TSPEAR: variants seen among roughly 807,000 people sequenced by gnomAD.
The protein encoded by TSPEAR is thrombospondin type laminin G domain and EAR repeats, also known as thrombospondin-type laminin G domain and EAR repeat-containing protein.
In TSPEAR, 69 loss-of-function variants were observed where a neutral mutation model predicts 71.6. That is an observed-to-expected ratio of 0.96 (90% CI 0.79 to 1.18). TSPEAR has a LOEUF of 1.18. Ranked by LOEUF, TSPEAR falls within the 50% of genes most tolerant of loss-of-function variation. The pLI is 0.00. For synonymous variants in TSPEAR, 402 were observed against 387.2 expected, an observed-to-expected ratio of 1.04 and a Z score of -0.45; for missense variants, 971 against 894.9, an observed-to-expected ratio of 1.09 and a Z score of -1.09.
chr21:44,547,739 G>A (rs1010477043), intron 2 of TSPEAR, among the ~76,000 whole-genome samples: 6 of 152,130 alleles, frequency 3.9e-5, no homozygotes, highest in African/African-American at 1.4e-4. Flanking sequence ...CCCAGCACTC[G>A]GCTGGGGAGT....
At chr21:44,508,404 C>A in intron 10 of TSPEAR, 1 of 927,628 alleles carries the variant, frequency 1.1e-6, no homozygotes, top group Non-Finnish European at 1.3e-6. Context: ...TGCATGAAAC[C>A]CGAGGAAACC....
intron 1 of TSPEAR, among the ~76,000 whole-genome samples, chr21:44,680,950 A>G (rs1340311998): frequency 6.6e-6 from 1 of 152,224 alleles, no homozygotes; most frequent in African/African-American, 2.4e-5. Context: ...TGATAGCAGC[A>G]TAGGGTGACT....
intron 1 of TSPEAR, chr21:44,702,277 G>A (rs113285646): frequency 1.6e-4 from 255 of 1,608,262 alleles, no homozygotes; most frequent in Non-Finnish European, 2.0e-4. Context: ...GAGCTGCTGC[G>A]AGCCCCCCTG....
intron 1 of TSPEAR, among the ~76,000 whole-genome samples, chr21:44,641,396 C>A (rs1984012722): frequency 6.6e-6 from 1 of 152,138 alleles, no homozygotes; most frequent in African/African-American, 2.4e-5. Flanking sequence ...GCATAATAGA[C>A]CCTGAAAGCA....
intron 1 of TSPEAR, among the ~76,000 whole-genome samples, chr21:44,654,850 T>A (rs139229048): frequency 0.25 from 15,944 of 63,538 alleles, 1,133 homozygotes; most frequent in South Asian, 0.42. Context: ...CAGCAGACCG[T>A]GTGTTTCCTG....
At chr21:44,666,716 G>A (rs371542975) in intron 1 of TSPEAR, 53 of 1,613,538 alleles carry the variant, frequency 3.3e-5, no homozygotes, top group African/African-American at 1.2e-4. Flanking sequence ...GGCAGCTCAC[G>A]GGCAGGCACA....
chr21:44,524,962 T>G (rs1207429268), intron 8 of TSPEAR, among the ~76,000 whole-genome samples: 1 of 146,884 alleles, frequency 6.8e-6, no homozygotes, highest in Non-Finnish European at 1.5e-5. Flanking sequence ...CAGTCACTCT[T>G]TGAGGCAGTC....
intron 8 of TSPEAR, among the ~76,000 whole-genome samples, chr21:44,523,312 A>AGTTT (rs1555914537): frequency 2.8e-3 from 396 of 141,114 alleles, no homozygotes; most frequent in African/African-American, 0.012. Context: ...TCAGTTTGTC[A>AGTTT]GTCAGTCAGG....
intron 1 of TSPEAR, among the ~76,000 whole-genome samples, chr21:44,696,463 TAAC>T (rs1336073477): frequency 6.6e-6 from 1 of 152,200 alleles, no homozygotes; most frequent in Non-Finnish European, 1.5e-5. Flanking sequence ...GTGGGGATAA[TAAC>T]AGCCCCTACT....
chr21:44,599,139 T>TCA (rs1980585002), intron 1 of TSPEAR, among the ~76,000 whole-genome samples: 6 of 127,278 alleles, frequency 4.7e-5, no homozygotes, highest in African/African-American at 1.9e-4. Context: ...CCATTTTCTC[T>TCA]CTCTCTCTCT....
At chr21:44,530,209 G>A (rs1267586141) in intron 4 of TSPEAR, among the ~76,000 whole-genome samples, 4 of 146,138 alleles carry the variant, frequency 2.7e-5, no homozygotes, top group African/African-American at 1.1e-4. Flanking sequence ...AGAGTGACTG[G>A]CTACTCTGCT....
In TSPEAR at chr21:44,689,715, ATAT is replaced by A. The variant is rs1304671615; in HGVS notation, c.82+21715_82+21717del. 8.5e-4 allele frequency among the ~76,000 whole-genome samples: 68 copies of A among 79,668 alleles called. 2 individuals are homozygous for A. The highest frequency in any genetic ancestry group is 1.4e-3 in the Non-Finnish European group (57 of 40,608). 52.3% of individuals were successfully genotyped at this position (79,668 alleles called of 152,430 possible). On this transcript the variant is annotated intron_variant, in intron 1 of 11. Coordinates refer to ENST00000323084, the MANE Select transcript of TSPEAR (RefSeq NM_144991.3). ...CTTAGAGGGACAGAATAGAATGAAT[ATAT>A]ATATATATATATATATATATATTTT...
rs576036099 is a variant in TSPEAR, at chr21:44,697,824, G to A, written c.82+13609C>T. On this transcript the variant is annotated intron_variant, in intron 1 of 11. Coordinates refer to ENST00000323084, the MANE Select transcript of TSPEAR (RefSeq NM_144991.3). ...CGCCCTGTGTGCAGACCCGCCCGCC[G>A]CGTGCCCGTCCCCTCCTGCTGTGTC... 2.4e-5 allele frequency: 38 copies of A among 1,613,420 alleles called. No individual in the cohort carries two copies. Among genetic ancestry groups the A allele is most frequent in the African/African-American group, 9.3e-5 (7 of 74,900 alleles).
At chr21:44,552,184 T>TG (rs1284097437) in intron 2 of TSPEAR, among the ~76,000 whole-genome samples, 1 of 151,628 alleles carries the variant, frequency 6.6e-6, no homozygotes, top group Non-Finnish European at 1.5e-5. Context: ...GATCCAGGCC[T>TG]GGGGGTGGGG....
At chr21:44,675,588 A>G (rs1555946770) in intron 1 of TSPEAR, among the ~76,000 whole-genome samples, 1 of 152,108 alleles carries the variant, frequency 6.6e-6, no homozygotes, top group Non-Finnish European at 1.5e-5. Context: ...AATCAACAGT[A>G]GTAGAGATCA....
intron 2 of TSPEAR, chr21:44,558,750 T>TGAGTGAGTGAGTGTGG: frequency 6.4e-7 from 1 of 1,564,296 alleles, no homozygotes; most frequent in Non-Finnish European, 8.7e-7. Flanking sequence ...GGGGGAGACG[T>TGAGTGAGTGAGTGTGG]GAGTGAGTGA....
At chr21:44,531,575 T>TC (rs1445506506) in intron 3 of TSPEAR, among the ~76,000 whole-genome samples, 1 of 148,398 alleles carries the variant, frequency 6.7e-6, no homozygotes. Flanking sequence ...GGACATGAAT[T>TC]CGGGGGGGGC....
At chr21:44,650,428 G>GAGACTGGGGCCACGTGACGATGGCGGCAC (rs1984711670) in intron 1 of TSPEAR, among the ~76,000 whole-genome samples, 1 of 152,252 alleles carries the variant, frequency 6.6e-6, no homozygotes, top group South Asian at 2.1e-4. Context: ...GACGGCGGCA[G>GAGACTGGGGCCACGTGACGATGGCGGCAC]AGACTGGGGC....
rs187686378 is a variant in TSPEAR, at chr21:44,658,200, G to C, written c.82+53233C>G. 6 of 1,614,054 alleles carry C rather than the reference G, an allele frequency of 3.7e-6. No individual in the cohort carries two copies. The African/African-American group carries it at 5.3e-5, about 14-fold the overall frequency. ...GTGACTCCCTCTTGCCAATCTTCGG[G>C]GTGCTGCCAGCCCCCCTGCACCACT... is the stretch of plus-strand genomic sequence containing the variant. On this transcript the variant is annotated intron_variant, in intron 1 of 11. Transcript: ENST00000323084.
Sources: gnomAD v4.1 joint callset for allele counts (sites outside exome capture counted in the v4.1 genomes callset) on GRCh38, gnomAD v4.1.1 for gene constraint, MANE v1.5 for transcripts, NCBI Gene and HGNC (gene_info 2026-07-23, HGNC 2026-07-21) for gene names.